The following PCDHGB5 variants were observed in gnomAD, a reference collection of about 807,000 sequenced individuals.
The protein encoded by PCDHGB5 is protocadherin gamma subfamily B, 5.
A neutral mutation model predicts 62.9 loss-of-function variants in PCDHGB5; 48 were observed. The observed-to-expected ratio is 0.76, with a 90% CI of 0.61 to 0.97. The LOEUF is 0.97. PCDHGB5 is among the 50% of genes least tolerant of loss of function. The pLI is 0.00. For synonymous variants in PCDHGB5, 474 were observed against 511.2 expected (o/e 0.93, Z 0.98); for missense variants, 1,118 against 1,198.6 (o/e 0.93, Z 0.99).
intron 2 of PCDHGB5, among the ~76,000 whole-genome samples, chr5:141,499,010 AAGG>A (rs2099788390): frequency 6.6e-6 from 1 of 151,098 alleles, no homozygotes; most frequent in Non-Finnish European, 1.5e-5. Context: ...GGAAGGAAGG[AAGG>A]AAGGAAGGAA....
At position 141,413,510 on chromosome 5, in the gene PCDHGB5, T is replaced by G. The variant is rs372002880; in HGVS notation, c.2397+12986T>G. On this transcript the variant is annotated intron_variant, in intron 1 of 3. Transcript: ENST00000617380. ...GCGCGGTGCGTGGTGAGTTTTAATA[T>G]CCTTGTGGAAGACAGGGTGAAACTT... The G allele has an allele frequency of 5.4e-5, 87 of 1,613,876 alleles. No individual in the cohort carries two copies. Among genetic ancestry groups the G allele is most frequent in the Middle Eastern group, 1.6e-4 (1 of 6,084 alleles).
intron 1 of PCDHGB5, chr5:141,478,025 A>G (rs939969624): frequency 1.9e-6 from 3 of 1,614,146 alleles, no homozygotes; most frequent in Non-Finnish European, 2.5e-6. Flanking sequence ...AGTCCAAGAC[A>G]CAGATTCACC....
intron 1 of PCDHGB5, chr5:141,415,743 T>G (rs1317934891): frequency 9.6e-6 from 3 of 311,420 alleles, no homozygotes; most frequent in Non-Finnish European, 1.2e-5. Context: ...TATTAAGGTT[T>G]TTTTTTTTTT....
chr5:141,505,341 A>T, intron 2 of PCDHGB5, 52 bp from the exon 3 acceptor site: 1 of 1,612,728 alleles, frequency 6.2e-7, no homozygotes, highest in Non-Finnish European at 8.5e-7. Flanking sequence ...CAGGAGGGGC[A>T]TGAGCTGTGC....
chr5:141,496,021 G>C lies in PCDHGB5; in HGVS notation c.2456+1156G>C, dbSNP rs1011612662. Among the ~76,000 whole-genome samples, 3 of 151,454 alleles carry C rather than the reference G, an allele frequency of 2.0e-5. No individual in the cohort carries two copies. The East Asian group carries it at 5.8e-4, about 29-fold the overall frequency. ...CTTTTATCTTGTCTTTTTTCTCTGA[G>C]CCTCTGTCTCTGTCTCTCATTTTTT... On this transcript the variant is annotated intron_variant, in intron 2 of 3. Coordinates refer to ENST00000617380, the MANE Select transcript of PCDHGB5 (RefSeq NM_018925.3).
chr5:141,414,420 C>G, intron 1 of PCDHGB5: 1 of 1,613,822 alleles, frequency 6.2e-7, no homozygotes, highest in Non-Finnish European at 8.5e-7. Flanking sequence ...GAGCCCTTGA[C>G]AGGGAACAGG....
chr5:141,423,230 G>A (rs1223173152), intron 1 of PCDHGB5: 1 of 1,613,872 alleles, frequency 6.2e-7, no homozygotes, highest in East Asian at 2.2e-5. Flanking sequence ...GTGGCCGACA[G>A]CATCCCCGAA....
chr5:141,433,406 T>TC (rs397794347), intron 1 of PCDHGB5, among the ~76,000 whole-genome samples: 446 of 150,100 alleles, frequency 3.0e-3, no homozygotes, highest in African/African-American at 0.01. Context: ...TATCTATCTA[T>TC]TACTTTCTTG....
rs1590066119 is a variant in PCDHGB5, at chr5:141,417,816, C to G, written c.2397+17292C>G. On this transcript the variant is annotated intron_variant, in intron 1 of 3. Transcript: ENST00000617380. ...CTTTTAGCGCGGTAGAGTGCACTTT[C>G]TCCAACTGGAAAAGCGGGGACCCAG... is the stretch of plus-strand genomic sequence containing the variant. 3 of 1,511,044 alleles carry G rather than the reference C, an allele frequency of 2.0e-6. No homozygotes were observed. The East Asian group carries it at 7.4e-5, about 37-fold the overall frequency. 93.6% of individuals were successfully genotyped at this position (1,511,044 alleles called of 1,614,324 possible).
intron 1 of PCDHGB5, chr5:141,418,567 T>C: frequency 6.2e-7 from 1 of 1,614,014 alleles, no homozygotes; most frequent in Non-Finnish European, 8.5e-7. Flanking sequence ...TAGATGCCAA[T>C]GACAACCCCC....
intron 1 of PCDHGB5, among the ~76,000 whole-genome samples, chr5:141,467,055 C>CTTTTTTTTTTTTTTTTTTT (rs1193465269): frequency 7.4e-6 from 1 of 134,498 alleles, no homozygotes; most frequent in Non-Finnish European, 1.6e-5. Context: ...TCAATGTTTT[C>CTTTTTTTTTTTTTTTTTTT]TTTTTTTTTT....
chr5:141,434,474 A>G (rs979175338), intron 1 of PCDHGB5, among the ~76,000 whole-genome samples: 2 of 152,222 alleles, frequency 1.3e-5, no homozygotes, highest in Non-Finnish European at 2.9e-5. Context: ...GAATGAGGGC[A>G]AGGAACACCT....
At chr5:141,495,255 G>A (rs1055329757) in intron 2 of PCDHGB5, among the ~76,000 whole-genome samples, 5 of 152,212 alleles carry the variant, frequency 3.3e-5, no homozygotes, top group African/African-American at 1.2e-4. Flanking sequence ...GGCTCAGGCA[G>A]AAAAGCATTT....
At chr5:141,415,438 C>A in intron 1 of PCDHGB5, 1 of 1,614,218 alleles carries the variant, frequency 6.2e-7, no homozygotes, top group South Asian at 1.1e-5. Flanking sequence ...GGCTTTCCTG[C>A]AGACCTATTC....
chr5:141,468,853 G>A (rs893773356), intron 1 of PCDHGB5, among the ~76,000 whole-genome samples: 7 of 151,000 alleles, frequency 4.6e-5, no homozygotes, highest in Admixed American at 6.6e-5. Context: ...GCAACAGAGC[G>A]AGACTCCATC....
rs1235728365 is a variant in PCDHGB5 at position 141,485,502 on chromosome 5, C to T, written c.2398-9305C>T. ...TGCATCGTGCCCCTGGAGTTTGTCACCGAAGGTCCTTTGGAAATGTACCGA... is the reference window on the plus strand; with the variant it reads ...TGCATCGTGCCCCTGGAGTTTGTCATCGAAGGTCCTTTGGAAATGTACCGA... On this transcript the variant is annotated intron_variant, in intron 1 of 3. Transcript: ENST00000617380. This position sits in a 1 kb window ranked among gnomAD's most constrained non-coding sequence, Gnocchi z 5.7. 2 of 1,614,114 alleles carry T rather than the reference C, an allele frequency of 1.2e-6. No homozygotes were observed. Among genetic ancestry groups the T allele is most frequent in the Non-Finnish European group, 8.5e-7 (1 of 1,180,044 alleles).
At chr5:141,496,268 G>T (rs1237681971) in intron 2 of PCDHGB5, among the ~76,000 whole-genome samples, 1 of 152,208 alleles carries the variant, frequency 6.6e-6, no homozygotes, top group Non-Finnish European at 1.5e-5. Flanking sequence ...TCAGCAGAAA[G>T]ACCTTCAGTT....
At position 141,432,627 on chromosome 5, in the gene PCDHGB5, C is replaced by A. The variant is rs886117102; in HGVS notation, c.2397+32103C>A. 1 of 1,613,652 alleles carries A rather than the reference C, an allele frequency of 6.2e-7. No homozygotes were observed. The highest frequency in any genetic ancestry group is 8.5e-7 in the Non-Finnish European group (1 of 1,179,952). On this transcript the variant is annotated intron_variant, in intron 1 of 3. Transcript: ENST00000617380. This position sits in a 1 kb window ranked among gnomAD's most constrained non-coding sequence, Gnocchi z 6.0. ...GGACTCTTCTCGGTGGGTCTGCACA[C>A]GGGCGAGGTGCGCACGGCGCGAGCC...
intron 1 of PCDHGB5, among the ~76,000 whole-genome samples, chr5:141,447,978 C>T (rs759162070): frequency 1.1e-4 from 17 of 151,694 alleles, no homozygotes; most frequent in East Asian, 3.9e-4. Flanking sequence ...CCCAGCTACT[C>T]GGGAGGCTGA....
Sources: allele counts gnomAD v4.1 joint callset (sites outside exome capture counted in the v4.1 genomes callset), GRCh38; gene constraint gnomAD v4.1.1; non-coding constraint Gnocchi (gnomAD v3.1); transcripts MANE v1.5; gene names NCBI Gene and HGNC (gene_info 2026-07-23, HGNC 2026-07-21).